CDC23: variants seen among roughly 807,000 people sequenced by gnomAD.
The protein encoded by CDC23 is cell division cycle 23, also known as cell division cycle protein 23 homolog.
Under a neutral mutation model 81.7 loss-of-function variants are expected in CDC23, and 26 were observed. The ratio of observed to expected loss-of-function variants is 0.32; its 90% confidence interval spans 0.23 to 0.44. The LOEUF (loss-of-function observed/expected upper bound fraction) is 0.44, where lower values mean the gene tolerates loss of function less well. Ranked by LOEUF, CDC23 falls within the 20% of genes least tolerant of loss-of-function variation. CDC23 has a pLI of 1.00. For synonymous variants in CDC23, 267 were observed against 270.8 expected (o/e 0.99, Z 0.14); for missense variants, 519 against 728.0 (o/e 0.71, Z 3.30).
chr5:138,191,347 A>G, intron 13 of CDC23, 127 bp downstream of exon 13: 1 of 852,628 alleles, frequency 1.2e-6, no homozygotes, highest in South Asian at 1.3e-5. Context: ...ACCAGCATTC[A>G]CACACCCTGC....
At chr5:138,192,182 C>T (rs1209026124) in intron 11 of CDC23, 87 bp downstream of exon 11, 2 of 1,532,604 alleles carry the variant, frequency 1.3e-6, no homozygotes, top group Non-Finnish European at 1.8e-6. Flanking sequence ...AAACCATCCA[C>T]TGTGATTTGT....
chr5:138,194,338 C>T (rs1754859703), intron 9 of CDC23, among the ~76,000 whole-genome samples: 1 of 151,946 alleles, frequency 6.6e-6, no homozygotes, highest in Non-Finnish European at 1.5e-5. Flanking sequence ...CCAGCTACTC[C>T]AGAGGCTGAG....
At chr5:138,200,466 AC>A (rs1201893579) in intron 6 of CDC23, among the ~76,000 whole-genome samples, 2 of 152,008 alleles carry the variant, frequency 1.3e-5, no homozygotes, top group Non-Finnish European at 2.9e-5. Context: ...CAGCAGAGAA[AC>A]CTTTCCTATA....
chr5:138,198,729 A>G lies in CDC23; in HGVS notation c.708T>C (p.His236=), dbSNP rs1754947667. 1 of 1,614,162 alleles carries G rather than the reference A, an allele frequency of 6.2e-7. No individual in the cohort carries two copies. Among genetic ancestry groups the G allele is most frequent in the Admixed American group, 1.7e-5 (1 of 60,016 alleles). The change falls in exon 7 of 16, where the codon CAT becomes CAC. Residue 236 remains histidine, a synonymous_variant. Coordinates refer to ENST00000394886, the MANE Select transcript of CDC23 (RefSeq NM_004661.4). The part of the protein sequence containing the change: ...DTWMKEFFLA[H]IYTELQLIEE... ...CTATCAACTGCAACTCTGTGTATAT[A>G]TGAGCCAGAAAAAACTCTTTCATCC...
intron 6 of CDC23, 42 bp downstream of exon 6, chr5:138,201,065 G>T (rs1754983592): frequency 1.2e-6 from 2 of 1,605,110 alleles, no homozygotes; most frequent in Middle Eastern, 1.7e-4. Flanking sequence ...ATTACAAAAG[G>T]CTTGAAGCAG....
chr5:138,213,017 G>A lies in CDC23; in HGVS notation c.208C>T (p.Leu70=). 1 of 1,613,860 alleles carries A rather than the reference G, an allele frequency of 6.2e-7. No individual in the cohort carries two copies. Among genetic ancestry groups the A allele is most frequent in the Non-Finnish European group, 8.5e-7 (1 of 1,179,872 alleles). Residue 70 remains leucine (L), a synonymous_variant, in exon 2 of 16, where the codon CTG becomes TTG. Coordinates refer to ENST00000394886, the MANE Select transcript of CDC23 (RefSeq NM_004661.4). ...FSLPALPLAE[L]QPPPPITEED... is the part of the protein sequence containing the mutation. ...TCTGTAATAGGCGGAGGCGGTTGCA[G>A]CTCGGCCAGAGGCAATGCAGGGAGA...
rs558251656 is a variant in CDC23 at position 138,197,940 on chromosome 5, T to G, written c.1012+259A>C. 9.8e-5 allele frequency among the ~76,000 whole-genome samples: 15 copies of G among 152,304 alleles called. No homozygotes were observed. In the South Asian group the frequency reaches 2.9e-3, roughly 29 times the overall value. On this transcript the variant is annotated intron_variant, in intron 9 of 15. Coordinates refer to ENST00000394886, the MANE Select transcript of CDC23 (RefSeq NM_004661.4). ...TTGGCACTTTTGTATTATTGAGTTTTTGTTTGCTTGTTGGTTTGTTTGTTT... is the reference window on the plus strand; with the variant it reads ...TTGGCACTTTTGTATTATTGAGTTTGTGTTTGCTTGTTGGTTTGTTTGTTT...
At chr5:138,192,228 C>T (rs2231478) in intron 11 of CDC23, 41 bp downstream of exon 11, 3 of 1,609,902 alleles carry the variant, frequency 1.9e-6, no homozygotes, top group Non-Finnish European at 1.7e-6. Flanking sequence ...AAGTTATTAG[C>T]CCTTCCCATA....
At chr5:138,210,854 T>C (rs902544454) in intron 2 of CDC23, among the ~76,000 whole-genome samples, 2 of 152,220 alleles carry the variant, frequency 1.3e-5, no homozygotes, top group African/African-American at 4.8e-5. Context: ...TCAATAAATA[T>C]GCTTTATTTA....
intron 12 of CDC23, 43 bp downstream of exon 12, chr5:138,191,819 A>G: frequency 6.8e-7 from 1 of 1,460,152 alleles, no homozygotes; most frequent in Non-Finnish European, 9.6e-7. Context: ...TCATCTAAAC[A>G]GCAGATTTCC....
At chr5:138,208,956 T>C (rs888942795) in intron 2 of CDC23, among the ~76,000 whole-genome samples, 2 of 152,168 alleles carry the variant, frequency 1.3e-5, no homozygotes, top group African/African-American at 2.4e-5. Context: ...CGCACCACCA[T>C]GTATTTCTAG....
At chr5:138,199,403 C>T (rs1415767606) in intron 6 of CDC23, among the ~76,000 whole-genome samples, 6 of 151,974 alleles carry the variant, frequency 3.9e-5, no homozygotes, top group Non-Finnish European at 8.8e-5. Context: ...TTGACACCAG[C>T]CCTGACAAGA....
chr5:138,195,472 T>C (rs1242691982), intron 9 of CDC23, among the ~76,000 whole-genome samples: 6 of 138,924 alleles, frequency 4.3e-5, no homozygotes, highest in South Asian at 2.1e-4. Flanking sequence ...AGCTTAACTA[T>C]GCTATACTGC....
chr5:138,190,250 G>A lies in CDC23; in HGVS notation c.1425-344C>T, dbSNP rs1276497383. On this transcript the variant is annotated intron_variant, in intron 13 of 15. Transcript: ENST00000394886. ...AGGAGGGCAGATCACTTGAGGTCAG[G>A]AGTTTGAGACCAGCATGGCCAACAA... 3.2e-5 allele frequency: 7 copies of A among 222,020 alleles called. No homozygotes were observed. In the Admixed American group the frequency reaches 3.2e-4, roughly 10 times the overall value. 13.8% of individuals were successfully genotyped at this position (222,020 alleles called of 1,614,324 possible).
chr5:138,195,321 C>T (rs568779302), intron 9 of CDC23, among the ~76,000 whole-genome samples: 11 of 150,102 alleles, frequency 7.3e-5, no homozygotes, highest in Non-Finnish European at 8.8e-5. Flanking sequence ...ATGGGCCAGG[C>T]GCAGTGGCTC....
chr5:138,199,289 G>A (rs1443431158), intron 6 of CDC23, among the ~76,000 whole-genome samples: 1 of 152,112 alleles, frequency 6.6e-6, no homozygotes, highest in Non-Finnish European at 1.5e-5. Flanking sequence ...TGATGACATG[G>A]GAGCTTTAAG....
At position 138,198,627 on chromosome 5, in the gene CDC23, T is replaced by G; in HGVS notation, c.810A>C (p.Ala270=). Residue 270 remains alanine (A), a synonymous_variant, in exon 7 of 16, where the codon GCA becomes GCC. Coordinates refer to ENST00000394886, the MANE Select transcript of CDC23 (RefSeq NM_004661.4). ...CACCTCTGATATTGTGATAGGCAAC[T>G]GCAATTTGGGAAACAATATACGAGC... is the stretch of plus-strand genomic sequence containing the variant. The part of the protein sequence containing the change: ...SKSSYIVSQI[A]VAYHNIRDID... 1.2e-6 allele frequency: 2 copies of G among 1,614,154 alleles called. No individual in the cohort carries two copies. The highest frequency in any genetic ancestry group is 1.7e-6 in the Non-Finnish European group (2 of 1,180,024).
chr5:138,210,246 C>A (rs1216905091), intron 2 of CDC23, among the ~76,000 whole-genome samples: 1 of 150,086 alleles, frequency 6.7e-6, no homozygotes, highest in Non-Finnish European at 1.5e-5. Context: ...ACAGTTTTGG[C>A]CAGGCACGGT....
At chr5:138,208,310 T>C (rs1755075432) in intron 2 of CDC23, among the ~76,000 whole-genome samples, 1 of 152,168 alleles carries the variant, frequency 6.6e-6, no homozygotes, top group Admixed American at 6.6e-5. Context: ...ATTTTCCTCA[T>C]CTTTCTTGCC....
Sources: gnomAD v4.1 joint callset for allele counts (sites outside exome capture counted in the v4.1 genomes callset) on GRCh38, gnomAD v4.1.1 for gene constraint, MANE v1.5 for transcripts, NCBI Gene and HGNC (gene_info 2026-07-23, HGNC 2026-07-21) for gene names.